KLHL29: variants seen among roughly 807,000 people sequenced by gnomAD.
KLHL29 encodes the protein kelch like family member 29.
A neutral mutation model predicts 80.4 loss-of-function variants in KLHL29; 21 were observed. The observed-to-expected ratio is 0.26, with a 90% confidence interval of 0.19 to 0.38. The LOEUF is 0.38. KLHL29 is among the 10% of genes least tolerant of loss of function. KLHL29 has a pLI of 1.00. For missense variants in KLHL29, 867 were observed against 1,223.9 expected, an observed-to-expected ratio of 0.71 and a Z score of 4.35; for synonymous variants, 511 against 526.8, an observed-to-expected ratio of 0.97 and a Z score of 0.41.
chr2:23,617,275 G>C (rs1007985510), intron 3 of KLHL29: 1 of 152,158 alleles, frequency 6.6e-6, no homozygotes, highest in African/African-American at 2.4e-5. Flanking sequence ...ACCCACTCAC[G>C]CCTGTCCCCC....
intron 1 of KLHL29, among the ~76,000 whole-genome samples, chr2:23,398,484 G>A (rs932533298): frequency 2.0e-5 from 3 of 152,192 alleles, no homozygotes; most frequent in African/African-American, 7.2e-5. Flanking sequence ...CGTTTAATGC[G>A]CAAAGAGTTT....
chr2:23,554,857 T>A (rs925271157), intron 2 of KLHL29, among the ~76,000 whole-genome samples: 9 of 152,142 alleles, frequency 5.9e-5, no homozygotes, highest in African/African-American at 2.2e-4. Flanking sequence ...GGGCTGCCGA[T>A]CCGATCTCCA....
Position 23,680,006 on chromosome 2 carries a change from A to G in KLHL29, c.941-4393A>G, listed in dbSNP as rs1231878794. Reference sequence around the variant, plus strand: ...TGGAGGAGGAGCGGAGGGAACGGGGAGACCTCCCAGAGGGCTGTGCTGCCC... The same window carrying G: ...TGGAGGAGGAGCGGAGGGAACGGGGGGACCTCCCAGAGGGCTGTGCTGCCC... On this transcript the variant is annotated intron_variant, in intron 5 of 13. Coordinates refer to ENST00000486442, the MANE Select transcript of KLHL29 (RefSeq NM_052920.2). This position sits in a 1 kb window ranked among gnomAD's most constrained non-coding sequence, Gnocchi z 4.1. 1.3e-5 allele frequency among the ~76,000 whole-genome samples: 2 copies of G among 152,154 alleles called. No individual in the cohort carries two copies. The highest frequency in any genetic ancestry group is 4.8e-5 in the African/African-American group (2 of 41,426).
chr2:23,676,825 T>G (rs1008259989), intron 5 of KLHL29, among the ~76,000 whole-genome samples: 10 of 152,112 alleles, frequency 6.6e-5, no homozygotes, highest in Non-Finnish European at 1.2e-4. Flanking sequence ...TCAGGTCAGG[T>G]CATAGAAGCC....
Position 23,437,596 on chromosome 2 carries a change from A to G in KLHL29, c.-153-37964A>G, listed in dbSNP as rs190253850. On this transcript the variant is annotated intron_variant, in intron 1 of 13. Coordinates refer to ENST00000486442, the MANE Select transcript of KLHL29 (RefSeq NM_052920.2). Reference sequence around the variant, plus strand: ...GCTCTCCAGCATTCACTTGGCGTACAGCCTACAGCCTGTCTCAGTTTATAT... The same window carrying G: ...GCTCTCCAGCATTCACTTGGCGTACGGCCTACAGCCTGTCTCAGTTTATAT... Among the ~76,000 whole-genome samples, 265 of 151,918 alleles carry G rather than the reference A, an allele frequency of 1.7e-3. 8 individuals carry two copies. The South Asian group carries it at 0.046, about 26-fold the overall frequency.
At chr2:23,683,183 A>G (rs955476188) in intron 5 of KLHL29, among the ~76,000 whole-genome samples, 1 of 152,212 alleles carries the variant, frequency 6.6e-6, no homozygotes, top group African/African-American at 2.4e-5. Flanking sequence ...GCCCATGTGG[A>G]CAGCAACAAC....
intron 1 of KLHL29, among the ~76,000 whole-genome samples, chr2:23,456,961 G>A (rs1664072330): frequency 6.6e-6 from 1 of 152,198 alleles, no homozygotes; most frequent in African/African-American, 2.4e-5. Context: ...GGTCACACAG[G>A]CCACCGCAGA....
At chr2:23,389,277 C>T (rs1666261805) in intron 1 of KLHL29, among the ~76,000 whole-genome samples, 2 of 152,192 alleles carry the variant, frequency 1.3e-5, no homozygotes, top group South Asian at 4.1e-4. Flanking sequence ...TGCTCACCCA[C>T]TTTCAACTTA....
At chr2:23,406,354 C>CACACATAT (rs1176028279) in intron 1 of KLHL29, among the ~76,000 whole-genome samples, 39 of 142,868 alleles carry the variant, frequency 2.7e-4, no homozygotes, top group African/African-American at 1.0e-3. Context: ...GAAAAGAAAA[C>CACACATAT]ACACATATTA....
chr2:23,496,350 A>G (rs1174497467), intron 2 of KLHL29, among the ~76,000 whole-genome samples: 1 of 152,238 alleles, frequency 6.6e-6, no homozygotes, highest in Non-Finnish European at 1.5e-5. Flanking sequence ...CACATGATCC[A>G]TCCCACCTCT....
intron 2 of KLHL29, among the ~76,000 whole-genome samples, chr2:23,555,033 C>T (rs1463249276): frequency 6.6e-6 from 1 of 152,102 alleles, no homozygotes. Context: ...GGCACTTGAG[C>T]CACAGGGAGA....
chr2:23,443,603 T>C (rs1357163247), intron 1 of KLHL29, among the ~76,000 whole-genome samples: 2 of 152,226 alleles, frequency 1.3e-5, no homozygotes, highest in Middle Eastern at 3.2e-3. Flanking sequence ...GTCTAACTTA[T>C]TCTTCTATCC....
At chr2:23,403,360 C>A (rs1367105776) in intron 1 of KLHL29, among the ~76,000 whole-genome samples, 2 of 152,106 alleles carry the variant, frequency 1.3e-5, no homozygotes, top group Non-Finnish European at 2.9e-5. Context: ...GGAAAGGAAC[C>A]AAATGGTTTT....
At chr2:23,407,614 C>T (rs759444737) in intron 1 of KLHL29, among the ~76,000 whole-genome samples, 3 of 151,902 alleles carry the variant, frequency 2.0e-5, no homozygotes, top group African/African-American at 4.8e-5. Flanking sequence ...TTTGCTTATA[C>T]GAATCATCAA....
At chr2:23,605,373 C>G (rs560345545) in intron 3 of KLHL29, among the ~76,000 whole-genome samples, 1 of 152,158 alleles carries the variant, frequency 6.6e-6, no homozygotes, top group African/African-American at 2.4e-5. Flanking sequence ...GCTGAGATCA[C>G]AGGCATGAGC....
At chr2:23,702,799 C>T (rs1337519728) in intron 11 of KLHL29, among the ~76,000 whole-genome samples, 1 of 152,230 alleles carries the variant, frequency 6.6e-6, no homozygotes, top group East Asian at 1.9e-4. Flanking sequence ...CTTCATCCAG[C>T]ACGTTTCTCC....
chr2:23,568,124 CT>C (rs1667634196), intron 3 of KLHL29, among the ~76,000 whole-genome samples: 1 of 152,056 alleles, frequency 6.6e-6, no homozygotes, highest in African/African-American at 2.4e-5. Flanking sequence ...ACTTAAATTT[CT>C]GATTAAGGAG....
chr2:23,426,427 A>G lies in KLHL29; in HGVS notation c.-154+40647A>G, dbSNP rs758151639. Among the ~76,000 whole-genome samples, 212 of 152,296 alleles carry G rather than the reference A, an allele frequency of 1.4e-3. 2 individuals carry two copies. The highest frequency in any genetic ancestry group is 8.3e-4 in the South Asian group (4 of 4,830). On this transcript the variant is annotated intron_variant, in intron 1 of 13. Coordinates refer to ENST00000486442, the MANE Select transcript of KLHL29 (RefSeq NM_052920.2). Reference sequence around the variant, plus strand: ...TCCAGGAGCAGGAGCTCCTAGCCCAACTGAGGGGAGGCCCCTCTTCCATCA... The same window carrying G: ...TCCAGGAGCAGGAGCTCCTAGCCCAGCTGAGGGGAGGCCCCTCTTCCATCA...
intron 1 of KLHL29, among the ~76,000 whole-genome samples, chr2:23,419,044 C>T (rs72776732): frequency 0.26 from 39,167 of 152,096 alleles, 5,612 homozygotes; most frequent in South Asian, 0.4. Flanking sequence ...CCCCGTCACA[C>T]GCCCCATTGG....
Sources: gnomAD v4.1 joint callset for allele counts (sites outside exome capture counted in the v4.1 genomes callset) on GRCh38, gnomAD v4.1.1 for gene constraint, Gnocchi (gnomAD v3.1) non-coding constraint, MANE v1.5 for transcripts, NCBI Gene and HGNC (gene_info 2026-07-23, HGNC 2026-07-21) for gene names.